The following ASTN2 variants were observed in gnomAD, a reference collection of about 807,000 sequenced individuals.
The protein encoded by ASTN2 is astrotactin 2.
A neutral mutation model predicts 139.8 loss-of-function variants in ASTN2; 54 were observed. The ratio of observed to expected loss-of-function variants is 0.39; its 90% CI spans 0.31 to 0.48. ASTN2 has a LOEUF of 0.48. ASTN2 is among the 20% of genes least tolerant of loss of function. ASTN2 has a pLI of 0.95. For missense variants in ASTN2, 1,565 were observed against 1,725.1 expected (o/e 0.91, Z 1.64); for synonymous variants, 756 against 719.5 (o/e 1.05, Z -0.81).
At chr9:117,347,204 G>T (rs192291810) in intron 1 of ASTN2, among the ~76,000 whole-genome samples, 1 of 152,034 alleles carries the variant, frequency 6.6e-6, no homozygotes, top group Non-Finnish European at 1.5e-5. Context: ...AGAGGTTGGC[G>T]GTTGAGAAGC....
intron 11 of ASTN2, among the ~76,000 whole-genome samples, chr9:116,853,784 C>A (rs923939914): frequency 1.2e-4 from 18 of 152,196 alleles, no homozygotes; most frequent in African/African-American, 4.3e-4. Flanking sequence ...TCACCCAAAT[C>A]ATGAAACACT....
chr9:116,747,031 T>G (rs1335806311), intron 13 of ASTN2, among the ~76,000 whole-genome samples: 1 of 152,230 alleles, frequency 6.6e-6, no homozygotes. Flanking sequence ...AGTCACTGCC[T>G]TATTCATCTC....
chr9:116,555,483 A>T (rs979060635), intron 19 of ASTN2, among the ~76,000 whole-genome samples: 1 of 152,150 alleles, frequency 6.6e-6, no homozygotes, highest in African/African-American at 2.4e-5. Context: ...GAATGGGTTT[A>T]AGTGAATGGG....
In ASTN2 at chr9:116,515,337, G is replaced by A. The variant is rs1024639739; in HGVS notation, c.3356-27837C>T. 1.3e-4 allele frequency among the ~76,000 whole-genome samples: 20 copies of A among 152,278 alleles called. No individual in the cohort carries two copies. In the South Asian group the frequency reaches 2.1e-3, roughly 16 times the overall value. ...GGTTGGTTTAGAGTTATGGACGTGA[G>A]ATCTAGATGTGAGGGAAAGTGTGCT... On this transcript the variant is annotated intron_variant, in intron 19 of 22. Coordinates refer to ENST00000313400, the MANE Select transcript of ASTN2 (RefSeq NM_001365068.1).
At chr9:116,476,903 C>T (rs927351866) in intron 20 of ASTN2, among the ~76,000 whole-genome samples, 2 of 152,312 alleles carry the variant, frequency 1.3e-5, no homozygotes, top group Middle Eastern at 3.4e-3. Flanking sequence ...TACATCCTGT[C>T]CCTCCTCCAG....
intron 13 of ASTN2, among the ~76,000 whole-genome samples, chr9:116,750,996 T>C (rs1422088092): frequency 1.3e-5 from 2 of 152,370 alleles, no homozygotes; most frequent in African/African-American, 4.8e-5. Context: ...CCTTCTTAGA[T>C]ACTGGTTATG....
rs181271565 is a variant in ASTN2 at position 116,593,796 on chromosome 9, C to G, written c.3355+24528G>C. Among the ~76,000 whole-genome samples the G allele has an allele frequency of 2.9e-3, 438 of 152,296 alleles. 2 individuals are homozygous for G. The highest frequency in any genetic ancestry group is 5.2e-3 in the Non-Finnish European group (353 of 68,010). On this transcript the variant is annotated intron_variant, in intron 19 of 22. Coordinates refer to ENST00000313400, the MANE Select transcript of ASTN2 (RefSeq NM_001365068.1). ...CATTTCCATCTTCATGATTTTCTTG[C>G]TTTATGCTCTTCCATCTGTCTGAAT...
At chr9:116,542,772 C>G (rs1280226530) in intron 19 of ASTN2, among the ~76,000 whole-genome samples, 1 of 151,668 alleles carries the variant, frequency 6.6e-6, no homozygotes, top group Non-Finnish European at 1.5e-5. Flanking sequence ...CAAAAAGTAG[C>G]TGGGCATGGT....
intron 2 of ASTN2, among the ~76,000 whole-genome samples, chr9:117,222,760 C>A (rs1053515881): frequency 6.6e-6 from 1 of 152,140 alleles, no homozygotes; most frequent in African/African-American, 2.4e-5. Flanking sequence ...TCTGCACTCC[C>A]ACAGCGCTTC....
chr9:116,792,308 GC>G (rs759347257), intron 13 of ASTN2, among the ~76,000 whole-genome samples: 4 of 152,106 alleles, frequency 2.6e-5, no homozygotes, highest in Admixed American at 6.5e-5. Flanking sequence ...CTTCACCCAG[GC>G]CAATGTCTTC....
At chr9:116,717,624 C>G (rs756072114) in intron 16 of ASTN2, among the ~76,000 whole-genome samples, 1 of 152,112 alleles carries the variant, frequency 6.6e-6, no homozygotes, top group African/African-American at 2.4e-5. Context: ...TGCAGCCAGG[C>G]TGGGATTTTT....
chr9:116,506,499 AG>A (rs1364448940), intron 19 of ASTN2, among the ~76,000 whole-genome samples: 3 of 151,956 alleles, frequency 2.0e-5, no homozygotes, highest in Non-Finnish European at 4.4e-5. Flanking sequence ...AGTAAGAAGG[AG>A]TGACTTCACA....
chr9:116,565,351 T>TTC (rs772428232), intron 19 of ASTN2, among the ~76,000 whole-genome samples: 1,235 of 35,578 alleles, frequency 0.035, 8 homozygotes, highest in Non-Finnish European at 0.051. Context: ...AAGACACTGT[T>TTC]TCTCTCTCTC....
intron 2 of ASTN2, among the ~76,000 whole-genome samples, chr9:117,233,319 C>T (rs1176585348): frequency 6.6e-6 from 1 of 152,186 alleles, no homozygotes; most frequent in Non-Finnish European, 1.5e-5. Context: ...CAGGAACTGG[C>T]AACTTAATCC....
rs543315961 is a variant in ASTN2 at position 116,823,104 on chromosome 9, C to T, written c.2041-2321G>A. Among the ~76,000 whole-genome samples the T allele has an allele frequency of 9.8e-5, 15 of 152,288 alleles. No homozygotes were observed. In the East Asian group the frequency reaches 2.9e-3, roughly 29 times the overall value. The stretch of plus-strand genomic sequence containing the variant: ...AAGGAGCACCACCAGAAATCAAATG[C>T]CAGCACCTTGATTTTGGATTTCTGG... On this transcript the variant is annotated intron_variant, in intron 11 of 22. Transcript: ENST00000313400.
intron 6 of ASTN2, among the ~76,000 whole-genome samples, chr9:117,018,563 CT>C (rs1173609259): frequency 6.6e-6 from 1 of 152,120 alleles, no homozygotes; most frequent in African/African-American, 2.4e-5. Flanking sequence ...AGATCTCTTC[CT>C]TTCTACTCTC....
chr9:117,363,301 G>C (rs998699515), intron 1 of ASTN2, among the ~76,000 whole-genome samples: 1 of 152,144 alleles, frequency 6.6e-6, no homozygotes, highest in African/African-American at 2.4e-5. Context: ...GTGAAGGAAG[G>C]CTTTACAGAA....
At chr9:117,277,509 C>T (rs1834222459) in intron 2 of ASTN2, among the ~76,000 whole-genome samples, 1 of 152,130 alleles carries the variant, frequency 6.6e-6, no homozygotes, top group African/African-American at 2.4e-5. Flanking sequence ...TTATGGAAAA[C>T]AGTAGATAAA....
chr9:117,365,201 GGGAA>G (rs144764400), intron 1 of ASTN2, among the ~76,000 whole-genome samples: 2,685 of 138,472 alleles, frequency 0.019, 41 homozygotes, highest in East Asian at 0.068. Flanking sequence ...AAAAAATGAA[GGGAA>G]GGAAGGAAGG....
Sources: allele counts gnomAD v4.1 joint callset (sites outside exome capture counted in the v4.1 genomes callset), GRCh38; gene constraint gnomAD v4.1.1; transcripts MANE v1.5; gene names NCBI Gene and HGNC (gene_info 2026-07-23, HGNC 2026-07-21).